RGS7: variants seen among roughly 807,000 people sequenced by gnomAD.
RGS7 encodes the protein regulator of G protein signaling 7, also known as regulator of G-protein signaling 7.
In RGS7, 27 loss-of-function variants were observed where a neutral mutation model predicts 81.1. The ratio of observed to expected loss-of-function variants is 0.33; its 90% CI spans 0.25 to 0.46. The LOEUF (loss-of-function observed/expected upper bound fraction) is 0.46, where lower values mean the gene tolerates loss of function less well. RGS7 is among the 20% of genes least tolerant of loss of function. The probability of loss-of-function intolerance (pLI) is 1.00; values close to 1 mark genes in which losing one functional copy is unlikely to be tolerated. For synonymous variants in RGS7, 208 were observed against 207.7 expected (o/e 1.00, Z -0.01); for missense variants, 396 against 607.4 (o/e 0.65, Z 3.66).
At chr1:241,348,798 T>C (rs187464308) in intron 2 of RGS7, among the ~76,000 whole-genome samples, 20 of 152,262 alleles carry the variant, frequency 1.3e-4, no homozygotes, top group Admixed American at 4.6e-4. Context: ...GGCTAAACAA[T>C]GTAAGACGGG....
At chr1:241,214,442 A>G (rs1032248605) in intron 2 of RGS7, among the ~76,000 whole-genome samples, 3 of 150,702 alleles carry the variant, frequency 2.0e-5, no homozygotes, top group African/African-American at 7.3e-5. Flanking sequence ...TCTTTGGCTG[A>G]CTTTTAAATT....
intron 2 of RGS7, among the ~76,000 whole-genome samples, chr1:241,114,254 T>G (rs921360818): frequency 6.6e-6 from 1 of 152,176 alleles, no homozygotes. Flanking sequence ...TAGACACTCC[T>G]CAATCTAGTT....
chr1:241,142,068 C>T (rs2067959300), intron 2 of RGS7, among the ~76,000 whole-genome samples: 2 of 152,250 alleles, frequency 1.3e-5, no homozygotes, highest in Admixed American at 6.5e-5. Flanking sequence ...AAAATGATCT[C>T]CTTTGACTCC....
At chr1:241,305,445 C>T (rs2080033143) in intron 2 of RGS7, 2 of 152,110 alleles carry the variant, frequency 1.3e-5, no homozygotes, top group South Asian at 2.1e-4. Flanking sequence ...GGACACGTTT[C>T]CCCTGAGACA....
intron 2 of RGS7, among the ~76,000 whole-genome samples, chr1:241,327,080 G>A (rs1237324715): frequency 1.2e-4 from 6 of 49,346 alleles, no homozygotes; most frequent in African/African-American, 1.7e-4. Flanking sequence ...AAGGAAGGAA[G>A]AGAAAGAAAG....
intron 6 of RGS7, among the ~76,000 whole-genome samples, chr1:240,885,300 G>A (rs978164733): frequency 6.6e-6 from 1 of 152,154 alleles, no homozygotes; most frequent in Non-Finnish European, 1.5e-5. Context: ...CACACTCTTG[G>A]TGGGAGTGTA....
chr1:241,063,295 C>A (rs938740128), intron 3 of RGS7, among the ~76,000 whole-genome samples: 31 of 152,176 alleles, frequency 2.0e-4, no homozygotes, highest in African/African-American at 7.5e-4. Context: ...GCAGTCTAAG[C>A]AGGCATTCCA....
intron 6 of RGS7, among the ~76,000 whole-genome samples, chr1:240,917,921 G>A (rs974387108): frequency 5.9e-5 from 9 of 152,106 alleles, no homozygotes. Flanking sequence ...GGAAAGATAT[G>A]CCATGCTAAA....
chr1:241,214,254 C>T (rs1293195562), intron 2 of RGS7, among the ~76,000 whole-genome samples: 1 of 151,874 alleles, frequency 6.6e-6, no homozygotes, highest in Non-Finnish European at 1.5e-5. Flanking sequence ...TTTTATTATG[C>T]CTTCATTTTA....
intron 10 of RGS7, among the ~76,000 whole-genome samples, chr1:240,822,419 T>A (rs1371078953): frequency 6.6e-6 from 1 of 152,226 alleles, no homozygotes; most frequent in African/African-American, 2.4e-5. Context: ...GGTACGATGA[T>A]GTGACTTCAA....
intron 3 of RGS7, among the ~76,000 whole-genome samples, chr1:240,993,118 G>A (rs1686735738): frequency 1.6e-5 from 1 of 63,458 alleles, no homozygotes; most frequent in South Asian, 6.5e-4. Context: ...AGGGAGGGAA[G>A]GAAGGAAGGA....
At chr1:241,225,596 G>A (rs1430940764) in intron 2 of RGS7, among the ~76,000 whole-genome samples, 1 of 152,212 alleles carries the variant, frequency 6.6e-6, no homozygotes, top group East Asian at 1.9e-4. Flanking sequence ...GGCTATGGAT[G>A]TGAAATGTTT....
At chr1:241,113,284 T>C (rs1558735516) in intron 2 of RGS7, among the ~76,000 whole-genome samples, 1 of 152,174 alleles carries the variant, frequency 6.6e-6, no homozygotes, top group Non-Finnish European at 1.5e-5. Flanking sequence ...TAGATATCTG[T>C]GACTATTATC....
At chr1:241,165,635 TA>T (rs1182010414) in intron 2 of RGS7, among the ~76,000 whole-genome samples, 8 of 55,538 alleles carry the variant, frequency 1.4e-4, no homozygotes, top group African/African-American at 2.2e-4. Flanking sequence ...TGTTGTGGGG[TA>T]GGGGGAGGGG....
intron 3 of RGS7, among the ~76,000 whole-genome samples, chr1:241,055,835 C>T (rs1438496161): frequency 6.6e-6 from 1 of 152,170 alleles, no homozygotes; most frequent in Non-Finnish European, 1.5e-5. Context: ...CCCAGGAGCC[C>T]CCAGCCACCA....
At chr1:240,858,437 T>C (rs1661551256) in intron 9 of RGS7, among the ~76,000 whole-genome samples, 2 of 152,210 alleles carry the variant, frequency 1.3e-5, no homozygotes, top group Non-Finnish European at 2.9e-5. Flanking sequence ...GTCATGCTAA[T>C]AGGTGTGCAG....
intron 2 of RGS7, among the ~76,000 whole-genome samples, chr1:241,132,911 C>T (rs571835958): frequency 9.4e-4 from 143 of 151,978 alleles, no homozygotes; most frequent in African/African-American, 3.3e-3. Flanking sequence ...TACAGGTGCC[C>T]ACCACCAAGC....
intron 3 of RGS7, among the ~76,000 whole-genome samples, chr1:241,071,274 TGAAAA>T (rs1026930073): frequency 5.9e-5 from 9 of 152,056 alleles, no homozygotes; most frequent in African/African-American, 2.2e-4. Flanking sequence ...AAAGAAAAAA[TGAAAA>T]GAAATCCATT....
intron 3 of RGS7, among the ~76,000 whole-genome samples, chr1:241,011,609 G>A (rs547333708): frequency 1.1e-3 from 173 of 152,180 alleles, no homozygotes; most frequent in Non-Finnish European, 1.8e-3. Context: ...GGACTTGTTG[G>A]GCTGTGTTCT....
Sources: allele counts gnomAD v4.1 joint callset (sites outside exome capture counted in the v4.1 genomes callset), GRCh38; gene constraint gnomAD v4.1.1; transcripts MANE v1.5; gene names NCBI Gene and HGNC (gene_info 2026-07-23, HGNC 2026-07-21).